EBAG9: variants seen among roughly 807,000 people sequenced by gnomAD.
EBAG9 encodes receptor-binding cancer antigen expressed on SiSo cells.
A neutral mutation model predicts 30.9 loss-of-function variants in EBAG9; 16 were observed. The observed-to-expected ratio is 0.52, with a 90% confidence interval of 0.35 to 0.79. The LOEUF is 0.79. Ranked by LOEUF, EBAG9 falls within the 30% of genes least tolerant of loss-of-function variation. The probability of loss-of-function intolerance (pLI) is 0.01; values close to 1 mark genes in which losing one functional copy is unlikely to be tolerated. For synonymous variants in EBAG9, 93 were observed against 82.8 expected (o/e 1.12, Z -0.67); for missense variants, 197 against 242.1 (o/e 0.81, Z 1.24).
intron 1 of EBAG9, among the ~76,000 whole-genome samples, chr8:109,548,826 C>G (rs1341931259): frequency 6.7e-6 from 1 of 149,880 alleles, no homozygotes; most frequent in African/African-American, 2.4e-5. Context: ...GAATATCACA[C>G]TTTTATTTCT....
At chr8:109,563,822 C>G (rs1248563698) in intron 6 of EBAG9, among the ~76,000 whole-genome samples, 1 of 152,048 alleles carries the variant, frequency 6.6e-6, no homozygotes, top group African/African-American at 2.4e-5. Context: ...TTAGCGCCCA[C>G]TTATAAGTGA....
At chr8:109,546,405 C>G (rs1453499421) in intron 1 of EBAG9, among the ~76,000 whole-genome samples, 1 of 152,148 alleles carries the variant, frequency 6.6e-6, no homozygotes, top group African/African-American at 2.4e-5. Context: ...TAAGTATATC[C>G]ATTACCTCCA....
rs771506976 is a variant in EBAG9 at position 109,554,898 on chromosome 8, A to T, written c.321+11A>T. 8 of 1,609,310 alleles carry T rather than the reference A, an allele frequency of 5.0e-6. No individual in the cohort carries two copies. Among genetic ancestry groups the T allele is most frequent in the Non-Finnish European group, 6.8e-6 (8 of 1,177,116 alleles). On this transcript the variant is annotated intron_variant, in intron 4 of 6. Coordinates refer to ENST00000337573, the MANE Select transcript of EBAG9 (RefSeq NM_004215.5). ...AGGAAAACTCAGAAAGTATGTTAAGATTTATGCTTTTGGAGATTAAACTAC... is the reference window on the plus strand; with the variant it reads ...AGGAAAACTCAGAAAGTATGTTAAGTTTTATGCTTTTGGAGATTAAACTAC...
chr8:109,554,700 G>A lies in EBAG9; in HGVS notation c.163-29G>A, dbSNP rs202215407. 4.7e-4 allele frequency: 749 copies of A among 1,596,888 alleles called. No homozygotes were observed. The highest frequency in any genetic ancestry group is 5.6e-4 in the Non-Finnish European group (658 of 1,169,952). The stretch of plus-strand genomic sequence containing the variant: ...TGTGTTCATTAAGTTGCCCCTTTGT[G>A]GCTGATAATGTTGATCAATTAAATT... On this transcript the variant is annotated intron_variant, in intron 3 of 6. Transcript: ENST00000337573.
chr8:109,555,223 A>G (rs773265953), intron 4 of EBAG9, among the ~76,000 whole-genome samples: 3 of 151,846 alleles, frequency 2.0e-5, no homozygotes, highest in Non-Finnish European at 4.4e-5. Context: ...TATGAGTGAC[A>G]ACATGCAGTG....
intron 5 of EBAG9, among the ~76,000 whole-genome samples, chr8:109,558,198 A>G (rs951267119): frequency 4.6e-5 from 7 of 152,168 alleles, no homozygotes; most frequent in Admixed American, 6.5e-5. Context: ...CAGGGGACCC[A>G]TGTATATGTA....
intron 4 of EBAG9, 92 bp downstream of exon 4, chr8:109,554,979 C>T (rs921977831): frequency 4.5e-6 from 6 of 1,325,370 alleles, no homozygotes; most frequent in Admixed American, 2.4e-5. Context: ...ATTAGAAAGC[C>T]TATTTCTTTT....
At chr8:109,563,907 T>C (rs1257064046) in intron 6 of EBAG9, among the ~76,000 whole-genome samples, 1 of 152,108 alleles carries the variant, frequency 6.6e-6, no homozygotes, top group Admixed American at 6.6e-5. Context: ...TCCTGAAATT[T>C]ACTTGGTGGA....
rs1821806266 is a variant in EBAG9 at position 109,565,368 on chromosome 8, C to T, written c.*809C>T. 6.6e-6 allele frequency: 1 copy of T among 151,924 alleles called. No homozygotes were observed. The highest frequency in any genetic ancestry group is 2.4e-5 in the African/African-American group (1 of 41,378). 9.4% of individuals were successfully genotyped at this position (151,924 alleles called of 1,614,324 possible). On this transcript the variant is annotated 3_prime_UTR_variant, in exon 7 of 7. Transcript: ENST00000337573. ...CTTTGAGTGCCTTAGTTCTTCCTTC[C>T]TCCCAAAAGCCATTAATTTACAAAT...
In EBAG9 at chr8:109,564,445, G is replaced by A; in HGVS notation, c.528G>A (p.Gln176=). ...AAAGTATGTTTCTTTTCAGACAGCA[G>A]AAACTAGCAGACAGAGAAAAGAGAG... ...AWQAEEVLRQ[Q]KLADREKRAA... is the part of the protein sequence containing the mutation. Residue 176 remains glutamine (Q), a synonymous_variant, in exon 7 of 7, where the codon CAG becomes CAA. Coordinates refer to ENST00000337573, the MANE Select transcript of EBAG9 (RefSeq NM_004215.5). 6.2e-7 allele frequency: 1 copy of A among 1,611,698 alleles called. No individual in the cohort carries two copies. The highest frequency in any genetic ancestry group is 8.5e-7 in the Non-Finnish European group (1 of 1,178,618).
intron 1 of EBAG9, among the ~76,000 whole-genome samples, chr8:109,543,546 G>T (rs1050628348): frequency 6.6e-6 from 1 of 152,114 alleles, no homozygotes; most frequent in Non-Finnish European, 1.5e-5. Context: ...AGTACATACA[G>T]TCAAGTATGT....
At chr8:109,542,610 A>G (rs976491708) in intron 1 of EBAG9, among the ~76,000 whole-genome samples, 9 of 152,110 alleles carry the variant, frequency 5.9e-5, no homozygotes, top group African/African-American at 2.2e-4. Context: ...AATTTAGGCT[A>G]ATTTTCATTT....
intron 1 of EBAG9, among the ~76,000 whole-genome samples, chr8:109,547,910 CT>C (rs1821419131): frequency 1.3e-5 from 2 of 152,150 alleles, no homozygotes; most frequent in African/African-American, 4.8e-5. Flanking sequence ...TAGACATATG[CT>C]TTGCAAGGAT....
rs1163108612 is a variant in EBAG9 at position 109,554,794 on chromosome 8, G to T, written c.228G>T (p.Gly76=). ...DAPTSVKIEG[G]NGNVATQQNS... The stretch of plus-strand genomic sequence containing the variant: ...CCACCAGTGTAAAGATCGAAGGAGG[G>T]AATGGGAATGTGGCAACACAACAAA... The change falls in exon 4 of 7, where the codon GGG becomes GGT. Residue 76 remains glycine (G), a synonymous_variant. Coordinates refer to ENST00000337573, the MANE Select transcript of EBAG9 (RefSeq NM_004215.5). 15 of 1,613,796 alleles carry T rather than the reference G, an allele frequency of 9.3e-6. No homozygotes were observed. In the South Asian group the frequency reaches 1.6e-4, roughly 18 times the overall value.
intron 5 of EBAG9, among the ~76,000 whole-genome samples, chr8:109,558,718 G>A (rs192679994): frequency 5.3e-4 from 81 of 152,058 alleles, no homozygotes; most frequent in Middle Eastern, 6.8e-3. Flanking sequence ...GTAACCTATT[G>A]GACTTTGTTT....
chr8:109,540,019 C>T (rs7004266), upstream of EBAG9: 2 of 152,810 alleles, frequency 1.3e-5, no homozygotes, highest in Non-Finnish European at 2.9e-5. Context: ...TGCCCTTCGC[C>T]GTCGGCCCTC....
chr8:109,553,647 C>T (rs1821537637), intron 2 of EBAG9, among the ~76,000 whole-genome samples: 1 of 152,128 alleles, frequency 6.6e-6, no homozygotes, highest in African/African-American at 2.4e-5. Flanking sequence ...AGCCAAAAAG[C>T]AGTTATGTTG....
chr8:109,555,288 C>CCATGTCCTCCATAGGGA (rs540639280), intron 4 of EBAG9, among the ~76,000 whole-genome samples: 34 of 152,276 alleles, frequency 2.2e-4, no homozygotes, highest in African/African-American at 7.2e-4. Context: ...CCATCTTCAT[C>CCATGTCCTCCATAGGGA]CATGTCCCTA....
At chr8:109,562,324 A>G (rs1033387493) in intron 6 of EBAG9, among the ~76,000 whole-genome samples, 1 of 152,076 alleles carries the variant, frequency 6.6e-6, no homozygotes, top group African/African-American at 2.4e-5. Flanking sequence ...AGCAAAACAA[A>G]TGAAAAAATG....
Sources: gnomAD v4.1 joint callset for allele counts (sites outside exome capture counted in the v4.1 genomes callset) on GRCh38, gnomAD v4.1.1 for gene constraint, MANE v1.5 for transcripts, NCBI Gene and HGNC (gene_info 2026-07-23, HGNC 2026-07-21) for gene names.